The following ABCD3 variants were observed in gnomAD, a reference collection of about 807,000 sequenced individuals.
ABCD3 encodes ATP binding cassette subfamily D member 3.
ABCD3 carries 41 observed loss-of-function variants against 105.5 expected under a neutral mutation model. The observed-to-expected ratio is 0.39, with a 90% CI of 0.30 to 0.50. The LOEUF (loss-of-function observed/expected upper bound fraction) is 0.50. Ranked by LOEUF, ABCD3 falls within the 20% of genes least tolerant of loss-of-function variation. ABCD3 has a pLI of 0.84. For synonymous variants in ABCD3, 258 were observed against 269.0 expected (o/e 0.96, Z 0.40); for missense variants, 622 against 806.3 (o/e 0.77, Z 2.77).
intron 9 of ABCD3, chr1:94,481,628 C>G (rs906374992): frequency 3.3e-5 from 5 of 152,248 alleles, no homozygotes; most frequent in Admixed American, 6.6e-5. Context: ...TGCCCCATTC[C>G]TCGGGCTAAT....
chr1:94,401,855 T>C, the ABCD3 span, among the ~76,000 whole-genome samples: 2 of 152,216 alleles, frequency 1.3e-5, no homozygotes, highest in Admixed American at 6.5e-5. Context: ...TCTTAAGTAT[T>C]CAGTTTGATG....
At chr1:94,507,319 C>T (rs1159885955) in intron 21 of ABCD3, among the ~76,000 whole-genome samples, 2 of 152,122 alleles carry the variant, frequency 1.3e-5, no homozygotes, top group African/African-American at 2.4e-5. Context: ...AGGACATGAA[C>T]TCATCATTTT....
intron 1 of ABCD3, among the ~76,000 whole-genome samples, chr1:94,436,634 TTACC>T (rs1232955199): frequency 6.6e-6 from 1 of 152,258 alleles, no homozygotes; most frequent in Non-Finnish European, 1.5e-5. Context: ...TGAAGCCATT[TTACC>T]AACAGCATGT....
the ABCD3 span, chr1:94,406,577 CT>C: frequency 3.0e-6 from 1 of 330,226 alleles, no homozygotes; most frequent in South Asian, 2.9e-5. Context: ...TATCTCAGCT[CT>C]TAGAGTATGT....
At chr1:94,474,288 T>G in intron 5 of ABCD3, among the ~76,000 whole-genome samples, 1 of 151,970 alleles carries the variant, frequency 6.6e-6, no homozygotes. Context: ...CTGGTTACTT[T>G]AGGCCATAAA....
chr1:94,446,994 C>G (rs1477442447), intron 1 of ABCD3, among the ~76,000 whole-genome samples: 1 of 152,106 alleles, frequency 6.6e-6, no homozygotes, highest in Non-Finnish European at 1.5e-5. Flanking sequence ...AGGTATGTCC[C>G]TGGTATGGGA....
intron 7 of ABCD3, among the ~76,000 whole-genome samples, chr1:94,476,530 G>A (rs1251627465): frequency 6.6e-6 from 1 of 152,056 alleles, no homozygotes; most frequent in Admixed American, 6.6e-5. Flanking sequence ...TCTCATACTG[G>A]ACCAATGATA....
chr1:94,511,027 T>C (rs1650643406), intron 21 of ABCD3, among the ~76,000 whole-genome samples: 1 of 152,146 alleles, frequency 6.6e-6, no homozygotes, highest in South Asian at 2.1e-4. Context: ...AATTTGATCC[T>C]GTCATTATGA....
chr1:94,466,830 C>A (rs567702835), intron 3 of ABCD3, among the ~76,000 whole-genome samples: 37 of 152,158 alleles, frequency 2.4e-4, no homozygotes, highest in Middle Eastern at 3.4e-3. Flanking sequence ...TGGATGAGTC[C>A]CTGGGAATTA....
rs559237254 is a variant in ABCD3, at chr1:94,518,448, T to A, written c.*1319T>A. 1 of 152,142 alleles carries A rather than the reference T, an allele frequency of 6.6e-6. No individual in the cohort carries two copies. The highest frequency in any genetic ancestry group is 2.4e-5 in the African/African-American group (1 of 41,466). The allele number at this position is 152,142 out of a possible 1,614,324, so 9.4% of individuals were successfully genotyped here. A position where few individuals can be genotyped will look rare whatever the true frequency, so the allele number is the denominator to read the frequency against. The stretch of plus-strand genomic sequence containing the variant: ...ATTCCATAATACATAACATTCAATT[T>A]TTACCACTTCTGTTTAGCGAACTTG... On this transcript the variant is annotated 3_prime_UTR_variant, in exon 23 of 23. Coordinates refer to ENST00000370214, the MANE Select transcript of ABCD3 (RefSeq NM_002858.4).
chr1:94,509,297 T>G (rs1346727919), intron 21 of ABCD3, among the ~76,000 whole-genome samples: 2 of 152,232 alleles, frequency 1.3e-5, no homozygotes, highest in African/African-American at 4.8e-5. Flanking sequence ...TTTATTGATT[T>G]GCGTATATTG....
At position 94,475,354 on chromosome 1, in the gene ABCD3, T is replaced by TAGG; in HGVS notation, c.503+115_503+117dup. Reference sequence around the variant, plus strand: ...GTATGTTTTCTAAGAAAACCACTCTTAGGTACAGAAGCATGTTGGGAACAA... The same window carrying TAGG: ...GTATGTTTTCTAAGAAAACCACTCTTAGGAGGTACAGAAGCATGTTGGGAACAA... On this transcript the variant is annotated intron_variant, in intron 6 of 22. Coordinates refer to ENST00000370214, the MANE Select transcript of ABCD3 (RefSeq NM_002858.4). 4 of 831,838 alleles carry TAGG rather than the reference T, an allele frequency of 4.8e-6. No homozygotes were observed. The South Asian group carries it at 7.2e-5, about 15-fold the overall frequency. The allele number at this position is 831,838 out of a possible 1,614,324, so 51.5% of individuals were successfully genotyped here.
chr1:94,442,564 C>G (rs1314581497), intron 1 of ABCD3, among the ~76,000 whole-genome samples: 1 of 151,956 alleles, frequency 6.6e-6, no homozygotes, highest in Non-Finnish European at 1.5e-5. Flanking sequence ...TTTAGTGTAC[C>G]CATCACCTGA....
intron 1 of ABCD3, chr1:94,419,204 G>T: frequency 1.2e-6 from 1 of 846,960 alleles, no homozygotes; most frequent in Non-Finnish European, 1.4e-6. Flanking sequence ...TGAACCCTTT[G>T]GTCGGTGAAC....
chr1:94,515,997 G>A (rs1485818577), intron 22 of ABCD3, among the ~76,000 whole-genome samples: 2 of 151,822 alleles, frequency 1.3e-5, no homozygotes, highest in African/African-American at 2.4e-5. Flanking sequence ...AAGGTGCCTT[G>A]TTCCACAAAA....
chr1:94,476,636 A>G (rs1336382529), intron 7 of ABCD3, among the ~76,000 whole-genome samples: 8 of 152,222 alleles, frequency 5.3e-5, no homozygotes, highest in East Asian at 1.9e-4. Flanking sequence ...TTGTAAGAAT[A>G]GGAATGTTCT....
chr1:94,480,317 GA>G (rs371563338), intron 8 of ABCD3, 146 bp from the exon 9 acceptor site: 9 of 921,190 alleles, frequency 9.8e-6, no homozygotes, highest in East Asian at 5.3e-5. Context: ...TACTTTTTCA[GA>G]AAAAAAACAA....
In ABCD3 at chr1:94,467,947, T is replaced by C. The variant is rs768509467; in HGVS notation, c.275T>C (p.Met92Thr). The change falls in exon 4 of 23, where the codon ATG (methionine) becomes ACG (threonine). Residue 92 changes from methionine (M) to threonine (T), a missense_variant. By Grantham distance (81) the Met-to-Thr change is moderately conservative. This residue lies in a region of ABCD3 where 245 missense variants were observed against 356.4 expected (regional missense o/e 0.69). Coordinates refer to ENST00000370214, the MANE Select transcript of ABCD3 (RefSeq NM_002858.4). ...ETGYLVLIAV[M>T]LVSRTYCDVW... Reference sequence around the variant, plus strand: ...GGTTACTTGGTACTTATTGCTGTTATGCTGGTGTCTCGAACATATTGTGAT... The same window carrying C: ...GGTTACTTGGTACTTATTGCTGTTACGCTGGTGTCTCGAACATATTGTGAT... The C allele has an allele frequency of 1.2e-6, 2 of 1,613,504 alleles. No individual in the cohort carries two copies. Among genetic ancestry groups the C allele is most frequent in the South Asian group, 1.1e-5 (1 of 91,058 alleles).
chr1:94,441,920 CAG>C (rs1174266103), intron 1 of ABCD3, among the ~76,000 whole-genome samples: 1 of 152,022 alleles, frequency 6.6e-6, no homozygotes, highest in Non-Finnish European at 1.5e-5. Context: ...TTGGGATAAT[CAG>C]AGAAATTGGA....
Sources: allele counts gnomAD v4.1 joint callset (sites outside exome capture counted in the v4.1 genomes callset), GRCh38; gene constraint gnomAD v4.1.1; regional missense constraint gnomAD v4.1.1; transcripts MANE v1.5; gene names NCBI Gene and HGNC (gene_info 2026-07-23, HGNC 2026-07-21).